Variants in DYNC2I1 observed in about 807,000 individuals in gnomAD.
The protein encoded by DYNC2I1 is dynein 2 intermediate chain 1, also known as cytoplasmic dynein 2 intermediate chain 1.
DYNC2I1 carries 89 observed loss-of-function variants against 133.4 expected under a neutral mutation model. That is an observed-to-expected ratio of 0.67 (90% CI 0.56 to 0.80). The LOEUF (loss-of-function observed/expected upper bound fraction) is 0.80, where lower values mean the gene tolerates loss of function less well. Among genes scored for constraint, DYNC2I1 ranks in the 30% least tolerant of loss-of-function variants. The pLI, the probability that DYNC2I1 is intolerant of heterozygous loss-of-function variation, is 0.00. For missense variants in DYNC2I1, 1,291 were observed against 1,314.5 expected, an observed-to-expected ratio of 0.98 and a Z score of 0.28; for synonymous variants, 504 against 484.3, an observed-to-expected ratio of 1.04 and a Z score of -0.54.
At chr7:158,867,015 T>C (rs1487237052) in intron 1 of DYNC2I1, among the ~76,000 whole-genome samples, 1 of 141,422 alleles carries the variant, frequency 7.1e-6, no homozygotes, top group African/African-American at 2.7e-5. Flanking sequence ...TTGGACTAAA[T>C]CTGTTTTTTT....
In DYNC2I1 at chr7:158,945,480, G is replaced by A. The variant is rs1035836973; in HGVS notation, c.3003-101G>A. The A allele has an allele frequency of 6.8e-5, 87 of 1,274,278 alleles. 1 individual carries two copies. Among genetic ancestry groups the A allele is most frequent in the Non-Finnish European group, 8.9e-5 (83 of 936,140 alleles). 78.9% of individuals were successfully genotyped at this position (1,274,278 alleles called of 1,614,324 possible). A position where few individuals can be genotyped will look rare whatever the true frequency, so the allele number is the denominator to read the frequency against. On this transcript the variant is annotated intron_variant, in intron 24 of 24. Transcript: ENST00000407559. The surrounding 1 kb of genome is among the most constrained non-coding windows in gnomAD (Gnocchi z 4.1). ...TTGGTATTTTTAGAATTTCTCATCC[G>A]TTTCACTCTTCCCATGGAAGGTAGA...
chr7:158,930,443 A>G lies in DYNC2I1; in HGVS notation c.2486-12A>G, dbSNP rs1188723255. 2.5e-6 allele frequency: 4 copies of G among 1,610,050 alleles called. No homozygotes were observed. Among genetic ancestry groups the G allele is most frequent in the Admixed American group, 1.7e-5 (1 of 59,432 alleles). On this transcript the variant is annotated splice_polypyrimidine_tract_variant and intron_variant, in intron 20 of 24. Coordinates refer to ENST00000407559, the MANE Select transcript of DYNC2I1 (RefSeq NM_018051.5). Reference sequence around the variant, plus strand: ...TTGAAAGGTGCATTGATTTTGGTTCATCTCTTTTTAGGTCTGATGCCTGGA... The same window carrying G: ...TTGAAAGGTGCATTGATTTTGGTTCGTCTCTTTTTAGGTCTGATGCCTGGA...
intron 23 of DYNC2I1, among the ~76,000 whole-genome samples, chr7:158,941,621 C>G (rs1851371843): frequency 6.6e-6 from 1 of 152,214 alleles, no homozygotes; most frequent in Non-Finnish European, 1.5e-5. Flanking sequence ...ATGGCTCACA[C>G]CTGTACTCCC....
chr7:158,876,563 T>A (rs1261857169), intron 3 of DYNC2I1, 46 bp from the exon 4 acceptor site: 2 of 1,513,164 alleles, frequency 1.3e-6, no homozygotes, highest in Non-Finnish European at 1.8e-6. Context: ...AGTTTTTTGA[T>A]GTGCTAACAT....
chr7:158,894,967 G>A (rs138101997), intron 8 of DYNC2I1, among the ~76,000 whole-genome samples: 1 of 152,252 alleles, frequency 6.6e-6, no homozygotes, highest in East Asian at 1.9e-4. Flanking sequence ...TGTATATCTT[G>A]TTTAGTGGAG....
At chr7:158,884,006 T>C (rs1396040365) in intron 5 of DYNC2I1, among the ~76,000 whole-genome samples, 1 of 150,346 alleles carries the variant, frequency 6.7e-6, no homozygotes, top group Non-Finnish European at 1.5e-5. Context: ...CTCATCTCGT[T>C]GTTATCCTAT....
Position 158,931,914 on chromosome 7 carries a change from A to T in DYNC2I1, c.2546+1399A>T, listed in dbSNP as rs545714750. ...GGAAGAAGGCTCTGCAGTGGAGTTC[A>T]GAGTGAGGATGTTTCTTAAGGAGTT... is the stretch of plus-strand genomic sequence containing the variant. On this transcript the variant is annotated intron_variant, in intron 21 of 24. Transcript: ENST00000407559. 9.2e-5 allele frequency among the ~76,000 whole-genome samples: 14 copies of T among 152,278 alleles called. No individual in the cohort carries two copies. The East Asian group carries it at 2.7e-3, about 29-fold the overall frequency.
chr7:158,863,276 T>C (rs949715086), intron 1 of DYNC2I1, among the ~76,000 whole-genome samples: 4 of 152,010 alleles, frequency 2.6e-5, no homozygotes, highest in Non-Finnish European at 5.9e-5. Context: ...CGCAGAGCGC[T>C]GATTGGTCCG....
In DYNC2I1 at chr7:158,889,861, C is replaced by T. The variant is rs566721392; in HGVS notation, c.991-1404C>T. Among the ~76,000 whole-genome samples, 30 of 151,826 alleles carry T rather than the reference C, an allele frequency of 2.0e-4. No individual in the cohort carries two copies. The South Asian group carries it at 4.8e-3, about 24-fold the overall frequency. On this transcript the variant is annotated intron_variant, in intron 7 of 24. Coordinates refer to ENST00000407559, the MANE Select transcript of DYNC2I1 (RefSeq NM_018051.5). ...CTCTACTCAAAATACAAAAATTAGC[C>T]GGGTGTGGTGGTGGCCTCCTGTAAT... is the stretch of plus-strand genomic sequence containing the variant.
At chr7:158,888,413 A>T (rs971634387) in intron 7 of DYNC2I1, among the ~76,000 whole-genome samples, 2 of 151,970 alleles carry the variant, frequency 1.3e-5, no homozygotes, top group Admixed American at 6.6e-5. Context: ...TTTGATCGTT[A>T]TCTGAAACCC....
At chr7:158,884,666 A>C in intron 6 of DYNC2I1, 47 bp downstream of exon 6, 1 of 1,597,144 alleles carries the variant, frequency 6.3e-7, no homozygotes, top group Non-Finnish European at 8.5e-7. Flanking sequence ...TGCCGCTCTC[A>C]TGGAATGCTT....
downstream of DYNC2I1, among the ~76,000 whole-genome samples, chr7:158,948,699 C>A (rs1851961120): frequency 6.6e-6 from 1 of 152,100 alleles, no homozygotes; most frequent in Non-Finnish European, 1.5e-5. Flanking sequence ...CAGTCTGGTC[C>A]CTCAATGACC....
At chr7:158,928,632 A>G (rs1325185701) in intron 20 of DYNC2I1, among the ~76,000 whole-genome samples, 1 of 152,052 alleles carries the variant, frequency 6.6e-6, no homozygotes, top group Admixed American at 6.6e-5. Flanking sequence ...CTGCTCATGG[A>G]GCCGTTCTGC....
Position 158,922,521 on chromosome 7 carries a change from C to T in DYNC2I1, c.2066C>T (p.Pro689Leu), listed in dbSNP as rs781462824. Residue 689 changes from proline to leucine, a missense_variant, in exon 16 of 25, where the codon CCA (proline) becomes CTA (leucine). By Grantham distance (98) the Pro-to-Leu change is moderately conservative (BLOSUM62 -3). Transcript: ENST00000407559. ...CVWDIWQPSG[P>L]QKVLICESQV... ...TGGGATATTTGGCAGCCTTCAGGGC[C>T]ACAGAAAGTTCTGATATGTGAGTCC... 6.2e-7 allele frequency: 1 copy of T among 1,613,858 alleles called. No homozygotes were observed. Among genetic ancestry groups the T allele is most frequent in the Non-Finnish European group, 8.5e-7 (1 of 1,179,868 alleles).
downstream of DYNC2I1, among the ~76,000 whole-genome samples, chr7:158,946,983 C>T (rs1237638357): frequency 1.3e-5 from 2 of 152,230 alleles, no homozygotes; most frequent in African/African-American, 2.4e-5. Flanking sequence ...GCACGTCTCG[C>T]GTGGGCCTCT....
chr7:158,898,180 T>C (rs1032838643), intron 8 of DYNC2I1, among the ~76,000 whole-genome samples: 1 of 152,222 alleles, frequency 6.6e-6, no homozygotes, highest in African/African-American at 2.4e-5. Context: ...TGGTGAATTA[T>C]ATGCCAGCTT....
chr7:158,915,172 T>C (rs1399529632), intron 14 of DYNC2I1, among the ~76,000 whole-genome samples: 1 of 151,362 alleles, frequency 6.6e-6, no homozygotes, highest in Non-Finnish European at 1.5e-5. Context: ...AACACGCTGG[T>C]TGACAGGATG....
At chr7:158,916,028 T>A (rs75396698) in intron 14 of DYNC2I1, among the ~76,000 whole-genome samples, 2 of 21,646 alleles carry the variant, frequency 9.2e-5, no homozygotes, top group Non-Finnish European at 8.5e-5. Context: ...GTGAAACGTC[T>A]ACACGCTGGT....
chr7:158,882,657 G>C (rs1368008193), intron 5 of DYNC2I1, among the ~76,000 whole-genome samples: 1 of 152,164 alleles, frequency 6.6e-6, no homozygotes, highest in African/African-American at 2.4e-5. Context: ...TGGATCACTT[G>C]AGGTCAGGAG....
Sources: gnomAD v4.1 joint callset for allele counts (sites outside exome capture counted in the v4.1 genomes callset) on GRCh38, gnomAD v4.1.1 for gene constraint, Gnocchi (gnomAD v3.1) non-coding constraint, MANE v1.5 for transcripts, NCBI Gene and HGNC (gene_info 2026-07-23, HGNC 2026-07-21) for gene names.